ALK: variants seen among roughly 807,000 people sequenced by gnomAD.
ALK encodes ALK receptor tyrosine kinase, also known as ALK tyrosine kinase receptor.
Under a neutral mutation model 163.1 loss-of-function variants are expected in ALK, and 74 were observed. The ratio of observed to expected loss-of-function variants is 0.45; its 90% CI spans 0.38 to 0.55. ALK has a LOEUF of 0.55. ALK is among the 20% of genes least tolerant of loss of function. The pLI is 0.00. For synonymous variants in ALK, 960 were observed against 843.2 expected, an observed-to-expected ratio of 1.14 and a Z score of -2.40; for missense variants, 2,063 against 2,105.3, an observed-to-expected ratio of 0.98 and a Z score of 0.39.
chr2:29,544,075 C>T (rs886973082), intron 3 of ALK, among the ~76,000 whole-genome samples: 8 of 152,172 alleles, frequency 5.3e-5, no homozygotes, highest in African/African-American at 1.9e-4. Flanking sequence ...TTATTATCTG[C>T]TATTACTCTT....
chr2:29,330,338 G>A (rs1667401751), intron 5 of ALK, among the ~76,000 whole-genome samples: 1 of 152,082 alleles, frequency 6.6e-6, no homozygotes, highest in Non-Finnish European at 1.5e-5. Context: ...AAATCCTGCC[G>A]TCCGTCCAGG....
chr2:29,202,270 AGCTTCCCCCC>A (rs1297438385), intron 26 of ALK, among the ~76,000 whole-genome samples: 1 of 152,128 alleles, frequency 6.6e-6, no homozygotes, highest in Admixed American at 6.5e-5. Context: ...TCCGGTAAGG[AGCTTCCCCCC>A]GCCCACCTTT....
intron 4 of ALK, among the ~76,000 whole-genome samples, chr2:29,439,901 T>G (rs1670493856): frequency 1.3e-5 from 2 of 151,990 alleles, no homozygotes; most frequent in African/African-American, 4.8e-5. Flanking sequence ...GAACTTTGAG[T>G]GAATAAGCCA....
At chr2:29,637,667 C>T (rs557653459) in intron 3 of ALK, among the ~76,000 whole-genome samples, 1 of 142,738 alleles carries the variant, frequency 7.0e-6, no homozygotes, top group South Asian at 2.2e-4. Context: ...CGACATTGCA[C>T]CGCCGCACTC....
chr2:29,460,534 C>T (rs567658482), intron 4 of ALK, among the ~76,000 whole-genome samples: 1 of 152,112 alleles, frequency 6.6e-6, no homozygotes, highest in Non-Finnish European at 1.5e-5. Flanking sequence ...TTTGATACTT[C>T]TTACAATATT....
chr2:29,535,459 T>C (rs992790081), intron 3 of ALK, among the ~76,000 whole-genome samples: 3 of 152,256 alleles, frequency 2.0e-5, no homozygotes, highest in African/African-American at 7.2e-5. Flanking sequence ...TTATTGACCT[T>C]AGACAAATTA....
At position 29,906,510 on chromosome 2, in the gene ALK, T is replaced by C. The variant is rs773813931; in HGVS notation, c.667+13483A>G. ...TATAGGATATGTGGGATAACTGACTTCAAATGTTTGAAGGACCCTCATGTT... is the reference window on the plus strand; with the variant it reads ...TATAGGATATGTGGGATAACTGACTCCAAATGTTTGAAGGACCCTCATGTT... On this transcript the variant is annotated intron_variant, in intron 1 of 28. Transcript: ENST00000389048. 5.3e-5 allele frequency among the ~76,000 whole-genome samples: 8 copies of C among 152,158 alleles called. No homozygotes were observed. In the East Asian group the frequency reaches 1.3e-3, roughly 26 times the overall value.
chr2:29,912,878 C>T (rs907463926), intron 1 of ALK, among the ~76,000 whole-genome samples: 5 of 152,068 alleles, frequency 3.3e-5, no homozygotes, highest in Non-Finnish European at 7.4e-5. Flanking sequence ...CCTTTCCATG[C>T]TCACCCTCAT....
intron 4 of ALK, among the ~76,000 whole-genome samples, chr2:29,393,941 A>G (rs1038589612): frequency 1.3e-5 from 2 of 152,230 alleles, no homozygotes; most frequent in Non-Finnish European, 2.9e-5. Flanking sequence ...AAAAACCCGG[A>G]AAGTCTCCAG....
Position 29,320,785 on chromosome 2 carries a change from C to T in ALK, c.1512G>A (p.Arg504=), listed in dbSNP as rs1558669722. 1.2e-6 allele frequency: 2 copies of T among 1,614,074 alleles called. No individual in the cohort carries two copies. The highest frequency in any genetic ancestry group is 2.2e-5 in the East Asian group (1 of 44,882). ...LSPHTPQWQV[R]TLKDARFQDH... is the part of the protein sequence containing the mutation. ...CCTGGAACCGGGCATCCTTTAGGGT[C>T]CTGACCTGCCATTGAGGAGTGTGGG... is the stretch of plus-strand genomic sequence containing the variant. Residue 504 remains arginine, a synonymous_variant, in exon 7 of 29, where the codon AGG becomes AGA. Transcript: ENST00000389048.
intron 4 of ALK, among the ~76,000 whole-genome samples, chr2:29,405,702 A>G (rs1367599361): frequency 1.3e-5 from 2 of 152,212 alleles, no homozygotes; most frequent in Admixed American, 6.5e-5. Flanking sequence ...CAGAGAGGTG[A>G]TAAAGAGAGG....
chr2:29,904,834 A>G (rs1667497494), intron 1 of ALK, among the ~76,000 whole-genome samples: 1 of 152,136 alleles, frequency 6.6e-6, no homozygotes, highest in Admixed American at 6.5e-5. Context: ...ACAAAACAAG[A>G]AACCCACCTT....
chr2:29,566,248 T>A (rs961418746), intron 3 of ALK, among the ~76,000 whole-genome samples: 1 of 152,226 alleles, frequency 6.6e-6, no homozygotes, highest in African/African-American at 2.4e-5. Flanking sequence ...ATGATTTGAT[T>A]GGCCACAACA....
At chr2:29,888,175 C>T (rs796872353) in intron 1 of ALK, among the ~76,000 whole-genome samples, 6 of 151,494 alleles carry the variant, frequency 4.0e-5, no homozygotes, top group Admixed American at 2.0e-4. Context: ...AGTCAATTAT[C>T]CAATTACCAT....
At chr2:29,889,683 TAGATAGATAGACAGAGAGAGAGAGAGAG>T (rs1667087397) in intron 1 of ALK, among the ~76,000 whole-genome samples, 2 of 42,084 alleles carry the variant, frequency 4.8e-5, no homozygotes, top group East Asian at 3.4e-4. Context: ...TGTATCTATA[TAGATAGATAGACAGAGAGAGAGAGAGAG>T]AGAGAGAGAG....
At chr2:29,695,125 C>T in intron 2 of ALK, 111 bp from the exon 3 acceptor site, 1 of 1,258,128 alleles carries the variant, frequency 7.9e-7, no homozygotes, top group Non-Finnish European at 1.1e-6. Flanking sequence ...ATCCTTTGCC[C>T]TGTCCAAGGG....
intron 3 of ALK, among the ~76,000 whole-genome samples, chr2:29,542,399 A>T (rs1420118960): frequency 6.6e-6 from 1 of 152,184 alleles, no homozygotes. Context: ...CGGTACAGCT[A>T]TTATTCTGAA....
At chr2:29,751,334 G>A (rs760084876) in intron 1 of ALK, among the ~76,000 whole-genome samples, 21 of 152,136 alleles carry the variant, frequency 1.4e-4, no homozygotes, top group Non-Finnish European at 2.5e-4. Flanking sequence ...AGGACATTAC[G>A]ATGGCTATGA....
chr2:29,262,877 C>T (rs956837730), intron 11 of ALK, among the ~76,000 whole-genome samples: 21 of 152,184 alleles, frequency 1.4e-4, no homozygotes, highest in African/African-American at 4.8e-4. Context: ...TCGCAGCCAC[C>T]CCCTGCTCCC....
Sources: gnomAD v4.1 joint callset for allele counts (sites outside exome capture counted in the v4.1 genomes callset) on GRCh38, gnomAD v4.1.1 for gene constraint, MANE v1.5 for transcripts, NCBI Gene and HGNC (gene_info 2026-07-23, HGNC 2026-07-21) for gene names.